The following JARID2 variants were observed in gnomAD, a reference collection of about 807,000 sequenced individuals.
The protein encoded by JARID2 is protein Jumonji.
JARID2 carries 21 observed loss-of-function variants against 125.6 expected under a neutral mutation model. The observed-to-expected ratio is 0.17, with a 90% CI of 0.12 to 0.24. JARID2 has a LOEUF of 0.24. JARID2 is among the 10% of genes least tolerant of loss of function. JARID2 has a pLI of 1.00. For synonymous variants in JARID2, 736 were observed against 661.6 expected (o/e 1.11, Z -1.73); for missense variants, 1,303 against 1,639.6 (o/e 0.79, Z 3.55).
chr6:15,500,150 G>A (rs1581651085), intron 7 of JARID2, among the ~76,000 whole-genome samples: 2 of 152,126 alleles, frequency 1.3e-5, no homozygotes, highest in Admixed American at 1.3e-4. Context: ...GCCACTGGGC[G>A]CGCGTTAAAA....
intron 5 of JARID2, among the ~76,000 whole-genome samples, chr6:15,480,384 G>C (rs1447582578): frequency 6.6e-6 from 1 of 152,082 alleles, no homozygotes; most frequent in Admixed American, 6.5e-5. Flanking sequence ...ATAATTCCAG[G>C]ATATCTTATA....
intron 6 of JARID2, among the ~76,000 whole-genome samples, chr6:15,493,070 T>C (rs1432946986): frequency 6.6e-6 from 1 of 151,976 alleles, no homozygotes; most frequent in African/African-American, 2.4e-5. Context: ...TGTTGAAAAT[T>C]TACTTCCCTG....
At chr6:15,350,546 GACAA>G (rs1763387609) in intron 1 of JARID2, among the ~76,000 whole-genome samples, 1 of 152,124 alleles carries the variant, frequency 6.6e-6, no homozygotes, top group Non-Finnish European at 1.5e-5. Context: ...TGCCTAAAAT[GACAA>G]ACAACCCATT....
intron 1 of JARID2, among the ~76,000 whole-genome samples, chr6:15,359,986 C>T (rs932418407): frequency 2.0e-5 from 3 of 151,994 alleles, no homozygotes; most frequent in Admixed American, 6.6e-5. Flanking sequence ...CACGTCTGGC[C>T]GACTGATGAA....
At chr6:15,277,824 G>T (rs1239487871) in intron 1 of JARID2, among the ~76,000 whole-genome samples, 10 of 150,752 alleles carry the variant, frequency 6.6e-5, no homozygotes, top group African/African-American at 1.2e-4. Context: ...GTTGCAAAAG[G>T]CAAGTTCAAG....
intron 3 of JARID2, among the ~76,000 whole-genome samples, chr6:15,416,533 C>G (rs372939598): frequency 3.9e-5 from 6 of 152,106 alleles, no homozygotes; most frequent in African/African-American, 1.4e-4. Flanking sequence ...CAAAAAAATA[C>G]GAAAACCAGT....
At chr6:15,389,662 C>T (rs924548617) in intron 2 of JARID2, among the ~76,000 whole-genome samples, 4 of 152,214 alleles carry the variant, frequency 2.6e-5, no homozygotes, top group Non-Finnish European at 4.4e-5. Flanking sequence ...CTGGCACTTT[C>T]TGAATCCCTC....
chr6:15,246,908 A>C (rs1297296337), intron 1 of JARID2, among the ~76,000 whole-genome samples: 1 of 152,220 alleles, frequency 6.6e-6, no homozygotes, highest in African/African-American at 2.4e-5. Context: ...CTGCATTCTC[A>C]AGCGGATTTG....
intron 1 of JARID2, among the ~76,000 whole-genome samples, chr6:15,255,012 A>G (rs1390121480): frequency 6.6e-5 from 10 of 151,236 alleles, no homozygotes. Context: ...TCCAAAAAAA[A>G]CAAAACAAAA....
rs560240064 is a variant in JARID2, at chr6:15,272,738, C to T, written c.45+26154C>T. On this transcript the variant is annotated intron_variant, in intron 1 of 17. Transcript: ENST00000341776. ...TGCAGCCATAGTCCTGGGTTTGAAG[C>T]CTGCCTCTGTCACAATCTCTGTGCC... Among the ~76,000 whole-genome samples the T allele has an allele frequency of 8.9e-4, 136 of 152,296 alleles. 1 individual carries two copies. Among genetic ancestry groups the T allele is most frequent in the Non-Finnish European group, 1.2e-3 (84 of 68,034 alleles).
At chr6:15,461,222 G>C (rs1581596465) in intron 4 of JARID2, among the ~76,000 whole-genome samples, 3 of 152,204 alleles carry the variant, frequency 2.0e-5, no homozygotes, top group Non-Finnish European at 2.9e-5. Flanking sequence ...TAAGGGGAAC[G>C]TTACAGTTTT....
chr6:15,283,215 T>C (rs1760839869), intron 1 of JARID2, among the ~76,000 whole-genome samples: 1 of 151,072 alleles, frequency 6.6e-6, no homozygotes, highest in South Asian at 2.1e-4. Flanking sequence ...GCCGACCTTG[T>C]GATCTGCCCA....
intron 1 of JARID2, among the ~76,000 whole-genome samples, chr6:15,356,737 G>T (rs1040075059): frequency 6.6e-6 from 1 of 152,182 alleles, no homozygotes; most frequent in Middle Eastern, 3.2e-3. Context: ...TTTTTGGGCT[G>T]GGCGCAGTGG....
intron 1 of JARID2, among the ~76,000 whole-genome samples, chr6:15,276,655 G>A (rs1467809917): frequency 2.0e-5 from 3 of 152,062 alleles, no homozygotes; most frequent in Admixed American, 6.6e-5. Context: ...ACATTAGGTC[G>A]GAGATCTTTT....
intron 5 of JARID2, among the ~76,000 whole-genome samples, 198 bp downstream of exon 5, chr6:15,468,916 C>T (rs1768880560): frequency 6.6e-6 from 1 of 152,076 alleles, no homozygotes; most frequent in Admixed American, 6.5e-5. Flanking sequence ...TGCAGATACT[C>T]TGATGATGTG....
At chr6:15,489,131 G>T (rs1561898601) in intron 6 of JARID2, among the ~76,000 whole-genome samples, 1 of 152,238 alleles carries the variant, frequency 6.6e-6, no homozygotes, top group Non-Finnish European at 1.5e-5. Context: ...GAAAGACAGT[G>T]ATTACACCAT....
chr6:15,506,347 C>A (rs1228960406), intron 9 of JARID2, among the ~76,000 whole-genome samples: 4 of 152,210 alleles, frequency 2.6e-5, no homozygotes, highest in Non-Finnish European at 4.4e-5. Context: ...GGAATTCGTT[C>A]TTGATTTGTG....
chr6:15,403,640 A>G (rs1025100826), intron 2 of JARID2, among the ~76,000 whole-genome samples: 1 of 152,162 alleles, frequency 6.6e-6, no homozygotes, highest in African/African-American at 2.4e-5. Flanking sequence ...CAACTTTTCC[A>G]TGTTAATAAT....
intron 1 of JARID2, among the ~76,000 whole-genome samples, chr6:15,266,108 T>C (rs141330232): frequency 6.6e-6 from 1 of 152,292 alleles, no homozygotes; most frequent in East Asian, 1.9e-4. Flanking sequence ...AACTGTCACA[T>C]ATGCTCTCCT....
Sources: allele counts gnomAD v4.1 joint callset (sites outside exome capture counted in the v4.1 genomes callset), GRCh38; gene constraint gnomAD v4.1.1; transcripts MANE v1.5; gene names NCBI Gene and HGNC (gene_info 2026-07-23, HGNC 2026-07-21).